Variants in MIA3 observed in about 807,000 individuals in gnomAD.
The protein encoded by MIA3 is MIA SH3 domain ER export factor 3, also known as transport and Golgi organization protein 1 homolog.
In MIA3, 90 loss-of-function variants were observed where a neutral mutation model predicts 192.4. That is an observed-to-expected ratio of 0.47 (90% confidence interval 0.39 to 0.56). MIA3 has a LOEUF of 0.56. Among genes scored for constraint, MIA3 ranks in the 20% least tolerant of loss-of-function variants. The pLI, the probability that MIA3 is intolerant of heterozygous loss-of-function variation, is 0.00. For missense variants in MIA3, 2,123 were observed against 2,269.4 expected (o/e 0.94, Z 1.31); for synonymous variants, 740 against 792.8 (o/e 0.93, Z 1.12).
At position 222,650,702 on chromosome 1, in the gene MIA3, T is replaced by A; in HGVS notation, c.3789T>A (p.Ile1263=). Residue 1263 remains isoleucine (I), a synonymous_variant, in exon 10 of 28, where the codon ATT becomes ATA. Transcript: ENST00000344922. ...KQNMILSDEA[I]KYKDKIKTLE... ...ATATGATTCTCTCTGATGAAGCAAT[T>A]AAATATAAGGTAAAAACTTCTTTTG... 1 of 1,595,722 alleles carries A rather than the reference T, an allele frequency of 6.3e-7. No individual in the cohort carries two copies. Among genetic ancestry groups the A allele is most frequent in the Non-Finnish European group, 8.6e-7 (1 of 1,169,324 alleles).
chr1:222,647,250 T>C (rs562824292), intron 7 of MIA3, among the ~76,000 whole-genome samples: 2 of 152,344 alleles, frequency 1.3e-5, no homozygotes, highest in African/African-American at 4.8e-5. Context: ...TAAGTGTGTA[T>C]ACTCATACTT....
rs1266736407 is a variant in MIA3, at chr1:222,665,494, C to A, written c.5599C>A (p.Pro1867Thr). The A allele has an allele frequency of 2.5e-6, 4 of 1,614,026 alleles. No individual in the cohort carries two copies. In the South Asian group the frequency reaches 4.4e-5, roughly 18 times the overall value. ...CCGATTACCACCCCCAACCCATGGT[C>A]CCCAGGAATACCCACCACCACCTGC... ...GTRLPPPTHGPQEYPPPPAVR... is the reference protein window; with the variant it reads ...GTRLPPPTHGTQEYPPPPAVR... The change falls in exon 28 of 28, where the codon CCC (proline) becomes ACC (threonine). Residue 1867 changes from proline (P) to threonine (T), a missense_variant. Pro to Thr is a conservative substitution (Grantham distance 38). Around this residue, in one of 3 missense-constraint regions of MIA3, gnomAD observed 762 missense variants for 856.4 expected, o/e 0.89. Coordinates refer to ENST00000344922, the MANE Select transcript of MIA3 (RefSeq NM_198551.4).
At chr1:222,655,127 A>G (rs1184707130) in intron 18 of MIA3, among the ~76,000 whole-genome samples, 2 of 152,268 alleles carry the variant, frequency 1.3e-5, no homozygotes, top group East Asian at 1.9e-4. Context: ...TTTGTGGTCA[A>G]TTATGTAATT....
In MIA3 at chr1:222,650,689, C is replaced by T; in HGVS notation, c.3776C>T (p.Ser1259Phe). ...ACCAGGAAACAAAATATGATTCTCTCTGATGAAGCAATTAAATATAAGGTA... is the reference window on the plus strand; with the variant it reads ...ACCAGGAAACAAAATATGATTCTCTTTGATGAAGCAATTAAATATAAGGTA... ...QETRKQNMIL[S>F]DEAIKYKDKI... The change falls in exon 10 of 28, where the codon TCT (serine) becomes TTT (phenylalanine). Residue 1259 changes from serine (S) to phenylalanine (F), a missense_variant. Ser to Phe is a radical substitution (Grantham distance 155). Around this residue, in one of 3 missense-constraint regions of MIA3, gnomAD observed 762 missense variants for 856.4 expected, o/e 0.89. Transcript: ENST00000344922. 2.5e-6 allele frequency: 4 copies of T among 1,597,422 alleles called. No homozygotes were observed. The highest frequency in any genetic ancestry group is 3.4e-6 in the Non-Finnish European group (4 of 1,170,888).
intron 4 of MIA3, among the ~76,000 whole-genome samples, chr1:222,630,649 A>G (rs1662356312): frequency 1.3e-5 from 2 of 152,252 alleles, no homozygotes; most frequent in South Asian, 4.1e-4. Context: ...AAAGAGAAAG[A>G]TATAAACCAG....
intron 2 of MIA3, among the ~76,000 whole-genome samples, chr1:222,622,640 C>T (rs868691843): frequency 3.3e-5 from 5 of 152,208 alleles, no homozygotes; most frequent in African/African-American, 1.2e-4. Flanking sequence ...ATTCTATTTC[C>T]TTCAAGTCTA....
chr1:222,638,590 A>G (rs1662728849), intron 6 of MIA3, among the ~76,000 whole-genome samples: 2 of 152,048 alleles, frequency 1.3e-5, no homozygotes, highest in Admixed American at 1.3e-4. Context: ...CCAGCTACTC[A>G]GGAGGCTGAA....
Position 222,648,809 on chromosome 1 carries a change from A to G in MIA3, c.3610-20A>G. The G allele has an allele frequency of 7.6e-7, 1 of 1,322,470 alleles. No homozygotes were observed. The highest frequency in any genetic ancestry group is 1.1e-6 in the Non-Finnish European group (1 of 926,542). The allele number at this position is 1,322,470 out of a possible 1,614,324, so 81.9% of individuals were successfully genotyped here. ...AATAAAATGTTTGACATCAAATTTA[A>G]TTTTATTTCTCTTTTCTAGGTGAAG... On this transcript the variant is annotated intron_variant, in intron 7 of 27. Transcript: ENST00000344922.
intron 8 of MIA3, among the ~76,000 whole-genome samples, chr1:222,650,009 A>G (rs553766687): frequency 2.0e-5 from 3 of 152,264 alleles, no homozygotes; most frequent in South Asian, 4.1e-4. Flanking sequence ...TCACCATCAC[A>G]GAATAGCACC....
intron 6 of MIA3, among the ~76,000 whole-genome samples, chr1:222,640,349 C>T (rs1662797709): frequency 6.6e-6 from 1 of 151,862 alleles, no homozygotes; most frequent in African/African-American, 2.4e-5. Context: ...ATGGAAAATG[C>T]AGAGGACCTA....
intron 11 of MIA3, 126 bp from the exon 12 acceptor site, chr1:222,651,850 GC>G: frequency 1.5e-6 from 1 of 684,618 alleles, no homozygotes; most frequent in Non-Finnish European, 2.6e-6. Flanking sequence ...TGAAACACCT[GC>G]TTTTACCTGA....
chr1:222,661,664 CAT>C (rs1472991371), intron 24 of MIA3, among the ~76,000 whole-genome samples: 2 of 152,170 alleles, frequency 1.3e-5, no homozygotes, highest in East Asian at 1.9e-4. Context: ...ATGCGGCATA[CAT>C]GTTTCCACTT....
intron 18 of MIA3, among the ~76,000 whole-genome samples, chr1:222,658,104 G>A (rs553283939): frequency 5.7e-4 from 87 of 152,308 alleles, no homozygotes; most frequent in African/African-American, 2.0e-3. Flanking sequence ...CCTGATTACA[G>A]GACAGTTTGG....
rs1475640149 is a variant in MIA3 at position 222,659,789 on chromosome 1, A to G, written c.4862A>G (p.Asn1621Ser). Residue 1621 changes from asparagine to serine, a missense_variant, in exon 22 of 28, where the codon AAT becomes AGT. Transcript: ENST00000344922. ...GCTGAAGAGAAAAGGGAAGCTGCCAATTTGAGACACAAGTATGTGGATTTT... is the reference window on the plus strand; with the variant it reads ...GCTGAAGAGAAAAGGGAAGCTGCCAGTTTGAGACACAAGTATGTGGATTTT... ...AIAEEKREAA[N>S]LRHKLLELTQ... 6.2e-6 allele frequency: 10 copies of G among 1,614,108 alleles called. No homozygotes were observed. The highest frequency in any genetic ancestry group is 4.5e-5 in the East Asian group (2 of 44,870).
chr1:222,654,886 A>T, intron 18 of MIA3, 93 bp downstream of exon 18: 4 of 1,083,754 alleles, frequency 3.7e-6, no homozygotes, highest in South Asian at 1.6e-5. Context: ...TCAGGATTGT[A>T]CTCTTTTGCA....
chr1:222,629,745 G>A lies in MIA3; in HGVS notation c.2525G>A (p.Gly842Asp). Reference protein sequence around the residue: ...DSIKIQTPELGEVFQNKDSDY... With the variant: ...DSIKIQTPELDEVFQNKDSDY... ...ATAAAAATTCAGACTCCAGAATTAG[G>A]TGAAGTGTTTCAGAATAAAGATTCT... The change falls in exon 4 of 28, where the codon GGT becomes GAT. Residue 842 changes from glycine (G) to aspartate (D), a missense_variant. Around this residue, in one of 3 missense-constraint regions of MIA3, gnomAD observed 1,357 missense variants for 1,396.1 expected, o/e 0.97. Transcript: ENST00000344922. The A allele has an allele frequency of 6.2e-7, 1 of 1,614,202 alleles. No individual in the cohort carries two copies. Among genetic ancestry groups the A allele is most frequent in the Non-Finnish European group, 8.5e-7 (1 of 1,180,036 alleles).
chr1:222,640,644 A>T (rs1332284615), intron 6 of MIA3, among the ~76,000 whole-genome samples: 2 of 152,184 alleles, frequency 1.3e-5, no homozygotes, highest in South Asian at 2.1e-4. Context: ...AAACCCTAAA[A>T]CCATAAAACT....
At chr1:222,645,774 G>A in intron 7 of MIA3, 89 bp downstream of exon 7, 1 of 1,157,412 alleles carries the variant, frequency 8.6e-7, no homozygotes, top group Non-Finnish European at 1.2e-6. Flanking sequence ...TTTCTAATAT[G>A]AACAGAAATT....
In MIA3 at chr1:222,618,260, G is replaced by C. The variant is rs1353595110; in HGVS notation, c.133+17G>C. The C allele has an allele frequency of 7.2e-7, 1 of 1,395,662 alleles. No homozygotes were observed. The highest frequency in any genetic ancestry group is 2.6e-5 in the Admixed American group (1 of 39,108). 86.5% of individuals were successfully genotyped at this position (1,395,662 alleles called of 1,614,324 possible). ...AATGCAGCAGTGAGTGCGCTGGAGG[G>C]GCGGCTGGCCTCGGGGCGGCTGGCC... On this transcript the variant is annotated intron_variant, in intron 1 of 27. Coordinates refer to ENST00000344922, the MANE Select transcript of MIA3 (RefSeq NM_198551.4).
Sources: gnomAD v4.1 joint callset for allele counts (sites outside exome capture counted in the v4.1 genomes callset) on GRCh38, gnomAD v4.1.1 for gene constraint, gnomAD v4.1.1 regional missense constraint, MANE v1.5 for transcripts, NCBI Gene and HGNC (gene_info 2026-07-23, HGNC 2026-07-21) for gene names.